The following PPP1R12B variants were observed in gnomAD, a reference collection of about 807,000 sequenced individuals.
PPP1R12B encodes protein phosphatase 1 regulatory subunit 12B.
PPP1R12B carries 76 observed loss-of-function variants against 126.1 expected under a neutral mutation model. The observed-to-expected ratio is 0.60, with a 90% CI of 0.50 to 0.73. PPP1R12B has a LOEUF of 0.73. PPP1R12B is among the 30% of genes least tolerant of loss of function. The probability of loss-of-function intolerance (pLI) is 0.00; values close to 1 mark genes in which losing one functional copy is unlikely to be tolerated. For synonymous variants in PPP1R12B, 356 were observed against 434.7 expected (o/e 0.82, Z 2.25); for missense variants, 1,052 against 1,205.1 (o/e 0.87, Z 1.88).
chr1:202,446,777 GT>G lies in PPP1R12B; in HGVS notation c.1668-2199del, dbSNP rs111415656. On this transcript the variant is annotated intron_variant, in intron 12 of 23. Transcript: ENST00000608999. Reference sequence around the variant, plus strand: ...TAGTAGTGGCTTAAATAAGGTAAAGGTTTTTTTTTTTTTCTTGCACTTAAGA... The same window carrying G: ...TAGTAGTGGCTTAAATAAGGTAAAGGTTTTTTTTTTTTCTTGCACTTAAGA... Among the ~76,000 whole-genome samples, 416 of 143,958 alleles carry G rather than the reference GT, an allele frequency of 2.9e-3. 1 individual carries two copies. Among genetic ancestry groups the G allele is most frequent in the African/African-American group, 8.5e-3 (334 of 39,492 alleles). The allele number at this position is 143,958 out of a possible 152,430, so 94.4% of individuals were successfully genotyped here.
In PPP1R12B at chr1:202,515,191, G is replaced by A. The variant is rs1296850938; in HGVS notation, c.2490+18369G>A. Among the ~76,000 whole-genome samples the A allele has an allele frequency of 7.2e-5, 11 of 152,072 alleles. No individual in the cohort carries two copies. In the East Asian group the frequency reaches 2.1e-3, roughly 29 times the overall value. On this transcript the variant is annotated intron_variant, in intron 18 of 23. Transcript: ENST00000608999. ...GAGGAGCAGAAAAGATAACTATTGG[G>A]TACTAGGCATAATACATGGGTGATT...
Position 202,584,391 on chromosome 1 carries a change from A to T in PPP1R12B, c.*3831A>T, listed in dbSNP as rs1689702734. 1 of 152,278 alleles carries T rather than the reference A, an allele frequency of 6.6e-6. No homozygotes were observed. The highest frequency in any genetic ancestry group is 6.5e-5 in the Admixed American group (1 of 15,288). The allele number at this position is 152,278 out of a possible 1,614,324, so 9.4% of individuals were successfully genotyped here. On this transcript the variant is annotated 3_prime_UTR_variant, in exon 24 of 24. Coordinates refer to ENST00000608999, the MANE Select transcript of PPP1R12B (RefSeq NM_002481.4). ...ATGTGCTTATTAGATGGTTCCACTC[A>T]GGAAGCAAGGAAGCTAAAACTCAAG...
chr1:202,381,588 C>T (rs1662294407), intron 1 of PPP1R12B, among the ~76,000 whole-genome samples: 1 of 152,128 alleles, frequency 6.6e-6, no homozygotes, highest in Non-Finnish European at 1.5e-5. Context: ...CCACATCTAG[C>T]TACTGGCATA....
At chr1:202,399,426 G>T (rs1208762546) in intron 1 of PPP1R12B, among the ~76,000 whole-genome samples, 1 of 151,582 alleles carries the variant, frequency 6.6e-6, no homozygotes, top group Non-Finnish European at 1.5e-5. Flanking sequence ...TCATTTTGTT[G>T]TCCAAGCTGG....
intron 1 of PPP1R12B, among the ~76,000 whole-genome samples, chr1:202,370,543 A>ATT (rs34492667): frequency 6.7e-6 from 1 of 149,314 alleles, no homozygotes; most frequent in African/African-American, 2.5e-5. Flanking sequence ...AGAGTATATA[A>ATT]TTTTTTTTTT....
In PPP1R12B at chr1:202,562,828, G is replaced by A. The variant is rs148326186; in HGVS notation, c.2558G>A (p.Arg853Gln). ...ACAACCAGTGATTCTTACGGTGACC[G>A]GGCTTCAGCAAGAGCCCGTCGGGAG... is the stretch of plus-strand genomic sequence containing the variant. ...NPTTSDSYGD[R>Q]ASARARREAR... The change falls in exon 20 of 24, where the codon CGG (arginine) becomes CAG (glutamine). Residue 853 changes from arginine to glutamine, a missense_variant. Arg to Gln is a conservative substitution (Grantham distance 43, BLOSUM62 1). Transcript: ENST00000608999. 60 of 1,613,252 alleles carry A rather than the reference G, an allele frequency of 3.7e-5. No homozygotes were observed. Among genetic ancestry groups the A allele is most frequent in the Non-Finnish European group, 4.5e-5 (53 of 1,179,540 alleles).
Position 202,511,438 on chromosome 1 carries a change from C to T in PPP1R12B, c.2490+14616C>T, listed in dbSNP as rs1369790907. 4.6e-5 allele frequency among the ~76,000 whole-genome samples: 7 copies of T among 151,902 alleles called. No individual in the cohort carries two copies. The East Asian group carries it at 9.6e-4, about 21-fold the overall frequency. On this transcript the variant is annotated intron_variant, in intron 18 of 23. Transcript: ENST00000608999. ...TTCACCGTCTTAGCCATGCTGGTCT[C>T]GATCTCCTGACCTCATGATCCACCT... is the stretch of plus-strand genomic sequence containing the variant.
At chr1:202,466,920 T>C (rs1675073680) in intron 13 of PPP1R12B, among the ~76,000 whole-genome samples, 1 of 152,196 alleles carries the variant, frequency 6.6e-6, no homozygotes, top group South Asian at 2.1e-4. Context: ...AACTGAGAAC[T>C]TGGAAATCAA....
chr1:202,548,885 T>C (rs1239444874), intron 18 of PPP1R12B, among the ~76,000 whole-genome samples: 1 of 149,958 alleles, frequency 6.7e-6, no homozygotes, highest in Non-Finnish European at 1.5e-5. Context: ...CCTGTTAAAT[T>C]GTAACAAGTT....
rs373717044 is a variant in PPP1R12B at position 202,513,258 on chromosome 1, G to A, written c.2490+16436G>A. Among the ~76,000 whole-genome samples the A allele has an allele frequency of 6.4e-4, 98 of 152,316 alleles. No homozygotes were observed. The South Asian group carries it at 0.011, about 17-fold the overall frequency. ...CAAAGTGCTGGGATTACAGGCGTGAGCCACTATGCCCAGCCTGTTTCTTGT... is the reference window on the plus strand; with the variant it reads ...CAAAGTGCTGGGATTACAGGCGTGAACCACTATGCCCAGCCTGTTTCTTGT... On this transcript the variant is annotated intron_variant, in intron 18 of 23. Coordinates refer to ENST00000608999, the MANE Select transcript of PPP1R12B (RefSeq NM_002481.4).
intron 1 of PPP1R12B, among the ~76,000 whole-genome samples, chr1:202,364,918 C>G (rs1451443878): frequency 6.6e-6 from 1 of 152,104 alleles, no homozygotes; most frequent in Admixed American, 6.6e-5. Context: ...CACTGTGTTG[C>G]CCAGGCAGGT....
intron 18 of PPP1R12B, among the ~76,000 whole-genome samples, chr1:202,504,705 T>G (rs1572316053): frequency 6.6e-6 from 1 of 152,314 alleles, no homozygotes; most frequent in East Asian, 1.9e-4. Flanking sequence ...CATACTGTTA[T>G]GACAAATAAT....
chr1:202,495,929 T>C (rs1013283486), intron 17 of PPP1R12B, among the ~76,000 whole-genome samples: 7 of 152,134 alleles, frequency 4.6e-5, no homozygotes, highest in Non-Finnish European at 7.4e-5. Context: ...GGCAAAGAAT[T>C]AAAAAACTGG....
chr1:202,428,057 C>CATTGCCA, intron 5 of PPP1R12B, among the ~76,000 whole-genome samples: 1 of 149,778 alleles, frequency 6.7e-6, no homozygotes, highest in East Asian at 2.0e-4. Context: ...TGATTCCCAG[C>CATTGCCA]CTTGCCACTT....
In PPP1R12B at chr1:202,438,335, G is replaced by T. The variant is rs1572020963; in HGVS notation, c.1458+311G>T. 2.5e-6 allele frequency: 3 copies of T among 1,204,772 alleles called. 1 individual carries two copies. Among genetic ancestry groups the T allele is most frequent in the Middle Eastern group, 2.8e-4 (1 of 3,624 alleles). 74.6% of individuals were successfully genotyped at this position (1,204,772 alleles called of 1,614,324 possible). A position where few individuals can be genotyped will look rare whatever the true frequency, so the allele number is the denominator to read the frequency against. On this transcript the variant is annotated intron_variant, in intron 10 of 23. Transcript: ENST00000608999. ...TAAAAATTTCAGTATGGCGGAGGGG[G>T]GCACAGGACCCCAGGTAGGGGTCCT...
intron 1 of PPP1R12B, among the ~76,000 whole-genome samples, chr1:202,351,381 G>A (rs547913340): frequency 6.6e-6 from 1 of 152,182 alleles, no homozygotes; most frequent in South Asian, 2.1e-4. Flanking sequence ...TGGAACTATA[G>A]GTGCCCACCA....
At chr1:202,519,241 A>T (rs1451528081) in intron 18 of PPP1R12B, among the ~76,000 whole-genome samples, 1 of 151,992 alleles carries the variant, frequency 6.6e-6, no homozygotes, top group Non-Finnish European at 1.5e-5. Flanking sequence ...TTTCCTTGCC[A>T]CTTCAACCCA....
intron 18 of PPP1R12B, among the ~76,000 whole-genome samples, chr1:202,557,904 C>T (rs866718447): frequency 6.6e-6 from 1 of 152,066 alleles, no homozygotes; most frequent in Non-Finnish European, 1.5e-5. Flanking sequence ...TTGGGTTGTC[C>T]TGCTATGTTG....
At position 202,588,824 on chromosome 1, in the gene PPP1R12B, A is replaced by AAGATAGATAGATGATAGATAGAT. The variant is rs764801546; in HGVS notation, c.*8276_*8277insGATAGATAGATAGATAGATAGAT. 6.9e-6 allele frequency: 1 copy of AAGATAGATAGATGATAGATAGAT among 144,124 alleles called. No individual in the cohort carries two copies. The highest frequency in any genetic ancestry group is 2.0e-4 in the East Asian group (1 of 4,908). The allele number at this position is 144,124 out of a possible 1,614,324, so 8.9% of individuals were successfully genotyped here. A position where few individuals can be genotyped will look rare whatever the true frequency, so the allele number is the denominator to read the frequency against. On this transcript the variant is annotated 3_prime_UTR_variant, in exon 24 of 24. Transcript: ENST00000608999. ...CTAGATTGGCGTTCAAAAGAACCGT[A>AAGATAGATAGATGATAGATAGAT]AGATAGATAGATAGATAGATAGATA...
Sources: allele counts gnomAD v4.1 joint callset (sites outside exome capture counted in the v4.1 genomes callset), GRCh38; gene constraint gnomAD v4.1.1; transcripts MANE v1.5; gene names NCBI Gene and HGNC (gene_info 2026-07-23, HGNC 2026-07-21).